MLLT10: variants seen among roughly 807,000 people sequenced by gnomAD.
MLLT10 encodes the protein protein AF-10.
Under a neutral mutation model 129.1 loss-of-function variants are expected in MLLT10, and 30 were observed. The observed-to-expected ratio is 0.23, with a 90% CI of 0.17 to 0.32. The LOEUF is 0.32. Ranked by LOEUF, MLLT10 falls within the 10% of genes least tolerant of loss-of-function variation. The pLI, the probability that MLLT10 is intolerant of heterozygous loss-of-function variation, is 1.00. For missense variants in MLLT10, 1,119 were observed against 1,268.3 expected (o/e 0.88, Z 1.79); for synonymous variants, 490 against 446.4 (o/e 1.10, Z -1.23).
intron 10 of MLLT10, among the ~76,000 whole-genome samples, chr10:21,672,926 A>G (rs934933687): frequency 9.9e-5 from 15 of 152,164 alleles, no homozygotes; most frequent in Admixed American, 5.9e-4. Context: ...TCCCCTAGAC[A>G]TTTAGAGTCA....
intron 11 of MLLT10, among the ~76,000 whole-genome samples, chr10:21,678,902 T>G (rs1056765631): frequency 6.6e-6 from 1 of 152,182 alleles, no homozygotes; most frequent in Non-Finnish European, 1.5e-5. Context: ...TATTTCTCCT[T>G]TACAACTAGG....
chr10:21,699,524 CTGTAATCCATCT>C (rs1263408642), intron 13 of MLLT10, among the ~76,000 whole-genome samples: 3 of 152,000 alleles, frequency 2.0e-5, no homozygotes, highest in Admixed American at 2.0e-4. Flanking sequence ...ATGTTTAAGT[CTGTAATCCATCT>C]TGGGTTGACT....
At chr10:21,567,018 G>A in intron 3 of MLLT10, among the ~76,000 whole-genome samples, 1 of 151,922 alleles carries the variant, frequency 6.6e-6, no homozygotes, top group East Asian at 1.9e-4. Flanking sequence ...TGTCCATGTT[G>A]GTCAGGCTGT....
chr10:21,726,130 A>T, intron 14 of MLLT10, 114 bp from the exon 15 acceptor site: 1 of 714,212 alleles, frequency 1.4e-6, no homozygotes, highest in Non-Finnish European at 2.2e-6. Context: ...GAAGGTCACA[A>T]ATTTTGCTTA....
intron 13 of MLLT10, among the ~76,000 whole-genome samples, chr10:21,705,755 G>T (rs546882680): frequency 6.6e-6 from 1 of 152,338 alleles, no homozygotes; most frequent in African/African-American, 2.4e-5. Flanking sequence ...TGTGTAGCCT[G>T]TTGGGTACAA....
At chr10:21,609,788 A>T (rs938866680) in intron 5 of MLLT10, among the ~76,000 whole-genome samples, 4 of 151,782 alleles carry the variant, frequency 2.6e-5, no homozygotes, top group South Asian at 2.1e-4. Flanking sequence ...GAATTCAGGT[A>T]CTCTTTATTA....
In MLLT10 at chr10:21,733,794, C is replaced by G. The variant is rs1025906492; in HGVS notation, c.2523C>G (p.Thr841=). 3.1e-6 allele frequency: 5 copies of G among 1,613,586 alleles called. No homozygotes were observed. The African/African-American group carries it at 5.3e-5, about 17-fold the overall frequency. ...NQDLTSSGQS[T]SSSSALSTPP... ...ACTTAACCTCCAGTGGACAAAGTAC[C>G]AGCAGCTCATCAGCTCTTTCTACCC... Residue 841 remains threonine (T), a synonymous_variant, in exon 20 of 23, where the codon ACC becomes ACG. Coordinates refer to ENST00000307729, the MANE Select transcript of MLLT10 (RefSeq NM_001195626.3).
intron 3 of MLLT10, chr10:21,557,224 G>A (rs2038148175): frequency 7.9e-6 from 9 of 1,145,624 alleles, no homozygotes; most frequent in Non-Finnish European, 9.9e-6. Flanking sequence ...TGTGCTTAAT[G>A]ATTGAGTTAT....
intron 8 of MLLT10, among the ~76,000 whole-genome samples, chr10:21,649,698 G>T (rs534789044): frequency 1.3e-5 from 2 of 152,208 alleles, no homozygotes; most frequent in Non-Finnish European, 2.9e-5. Flanking sequence ...TATGAGTAGA[G>T]TGTGGAATGA....
At chr10:21,712,268 A>G (rs887748201) in intron 13 of MLLT10, among the ~76,000 whole-genome samples, 1 of 150,676 alleles carries the variant, frequency 6.6e-6, no homozygotes, top group African/African-American at 2.5e-5. Flanking sequence ...GAGTGCAGTG[A>G]TACAATCACG....
In MLLT10 at chr10:21,552,388, CT is replaced by C. The variant is rs1225893534; in HGVS notation, c.240+13495del. Among the ~76,000 whole-genome samples, 663 of 112,100 alleles carry C rather than the reference CT, an allele frequency of 5.9e-3. 4 individuals carry two copies. The highest frequency in any genetic ancestry group is 0.019 in the African/African-American group (530 of 28,306). The allele number at this position is 112,100 out of a possible 152,430, so 73.5% of individuals were successfully genotyped here. Reference sequence around the variant, plus strand: ...TAAATCTTTGTATATCTTCTTATTGCTTTTTTTTTTTTTTTTTTTGAGATGG... The same window carrying C: ...TAAATCTTTGTATATCTTCTTATTGCTTTTTTTTTTTTTTTTTTGAGATGG... On this transcript the variant is annotated intron_variant, in intron 3 of 22. Transcript: ENST00000307729.
intron 13 of MLLT10, among the ~76,000 whole-genome samples, chr10:21,707,294 G>A (rs1305584442): frequency 3.4e-5 from 5 of 149,110 alleles, no homozygotes; most frequent in Non-Finnish European, 3.0e-5. Flanking sequence ...CCGGGTTCAC[G>A]CCATTCTCCT....
intron 21 of MLLT10, among the ~76,000 whole-genome samples, chr10:21,739,672 G>A (rs2058672258): frequency 6.6e-6 from 1 of 152,288 alleles, no homozygotes; most frequent in East Asian, 1.9e-4. Context: ...CCTAATGACA[G>A]GCAGAAACGG....
chr10:21,717,439 G>C (rs1412889546), intron 14 of MLLT10, among the ~76,000 whole-genome samples: 1 of 146,814 alleles, frequency 6.8e-6, no homozygotes, highest in Non-Finnish European at 1.5e-5. Context: ...ATACATTTTG[G>C]GGAAAAAACC....
At chr10:21,633,236 C>A (rs889495166) in intron 8 of MLLT10, among the ~76,000 whole-genome samples, 1 of 152,128 alleles carries the variant, frequency 6.6e-6, no homozygotes, top group East Asian at 1.9e-4. Flanking sequence ...AATGTCCTGG[C>A]ACATATTAAC....
chr10:21,537,901 A>G (rs1166870974), intron 2 of MLLT10, among the ~76,000 whole-genome samples: 4 of 152,244 alleles, frequency 2.6e-5, no homozygotes, highest in African/African-American at 9.6e-5. Flanking sequence ...TGAGCTAATT[A>G]TTAACTTTAA....
chr10:21,679,814 A>G (rs2052555597), intron 11 of MLLT10, among the ~76,000 whole-genome samples: 1 of 152,220 alleles, frequency 6.6e-6, no homozygotes, highest in African/African-American at 2.4e-5. Context: ...AAAATCTGAA[A>G]TCCAAAATGC....
chr10:21,621,040 A>G (rs968479438), intron 8 of MLLT10, among the ~76,000 whole-genome samples: 1 of 151,250 alleles, frequency 6.6e-6, no homozygotes, highest in African/African-American at 2.4e-5. Context: ...GCTGGAGTGC[A>G]GTGGCGCAAT....
chr10:21,593,434 A>G (rs1005022927), intron 4 of MLLT10, among the ~76,000 whole-genome samples: 4 of 152,090 alleles, frequency 2.6e-5, no homozygotes, highest in African/African-American at 9.7e-5. Context: ...ATTTATTATT[A>G]TAGTTTTCAG....
Sources: allele counts gnomAD v4.1 joint callset (sites outside exome capture counted in the v4.1 genomes callset), GRCh38; gene constraint gnomAD v4.1.1; transcripts MANE v1.5; gene names NCBI Gene and HGNC (gene_info 2026-07-23, HGNC 2026-07-21).